The following NPNT variants were observed in gnomAD, a reference collection of about 807,000 sequenced individuals.
NPNT encodes the protein nephronectin, also known as preosteoblast EGF-like repeat protein with MAM domain.
A neutral mutation model predicts 68.6 loss-of-function variants in NPNT; 45 were observed. The observed-to-expected ratio is 0.66, with a 90% CI of 0.52 to 0.84. The LOEUF (loss-of-function observed/expected upper bound fraction) is 0.84, where lower values mean the gene tolerates loss of function less well. Ranked by LOEUF, NPNT falls within the 40% of genes least tolerant of loss-of-function variation. The pLI, the probability that NPNT is intolerant of heterozygous loss-of-function variation, is 0.00. For missense variants in NPNT, 672 were observed against 714.8 expected (o/e 0.94, Z 0.68); for synonymous variants, 233 against 253.3 (o/e 0.92, Z 0.76).
chr4:105,908,280 A>G (rs1057472649), intron 2 of NPNT, among the ~76,000 whole-genome samples: 1 of 151,912 alleles, frequency 6.6e-6, no homozygotes, highest in African/African-American at 2.4e-5. Flanking sequence ...GAGAGTCAAG[A>G]TTTAACTAAA....
chr4:105,938,171 A>G (rs1341112762), intron 4 of NPNT, 130 bp from the exon 5 acceptor site: 7 of 699,254 alleles, frequency 1.0e-5, no homozygotes, highest in African/African-American at 1.8e-5. Flanking sequence ...TAGATGTTTG[A>G]TAGTTAAGGC....
At position 105,897,482 on chromosome 4, in the gene NPNT, C is replaced by T. The variant is rs1380970774; in HGVS notation, c.72-419C>T. ...ATTTTTTCTGCTTTGACATGTCTTA[C>T]TTAATACTTTTCAGTTTATGGTGAA... is the stretch of plus-strand genomic sequence containing the variant. On this transcript the variant is annotated intron_variant, in intron 1 of 11. Coordinates refer to ENST00000379987, the MANE Select transcript of NPNT (RefSeq NM_001033047.3). Among the ~76,000 whole-genome samples, 8 of 152,248 alleles carry T rather than the reference C, an allele frequency of 5.3e-5. No homozygotes were observed. In the South Asian group the frequency reaches 1.2e-3, roughly 24 times the overall value.
rs1416369174 is a variant in NPNT, at chr4:105,959,089, C to A, written c.1308C>A (p.Asp436Glu). The A allele has an allele frequency of 1.2e-6, 2 of 1,613,478 alleles. No individual in the cohort carries two copies. The highest frequency in any genetic ancestry group is 1.7e-6 in the Non-Finnish European group (2 of 1,179,452). ...TTTGTGGATGGATCAGGGAGAAAGA[C>A]AATGACTTGCACTGGGAACCAATCA... is the stretch of plus-strand genomic sequence containing the variant. ...HGLCGWIREK[D>E]NDLHWEPIRD... is the part of the protein sequence containing the mutation. The change falls in exon 10 of 12, where the codon GAC becomes GAA. Residue 436 changes from aspartate to glutamate, a missense_variant. By Grantham distance (45) the Asp-to-Glu change is conservative. Coordinates refer to ENST00000379987, the MANE Select transcript of NPNT (RefSeq NM_001033047.3).
At chr4:105,895,790 A>G (rs1198025330) in intron 1 of NPNT, 67 bp downstream of exon 1, 2 of 1,365,928 alleles carry the variant, frequency 1.5e-6, no homozygotes, top group East Asian at 5.1e-5. Context: ...GTCTTGGGTC[A>G]CTTTTCCCCG....
chr4:105,916,083 G>A (rs904788125), intron 2 of NPNT, among the ~76,000 whole-genome samples: 1 of 152,116 alleles, frequency 6.6e-6, no homozygotes, highest in African/African-American at 2.4e-5. Flanking sequence ...ATCAAGGGCT[G>A]AAAAAAAGTC....
At chr4:105,947,607 G>A (rs756313338) in intron 8 of NPNT, among the ~76,000 whole-genome samples, 2 of 152,096 alleles carry the variant, frequency 1.3e-5, no homozygotes, top group East Asian at 3.9e-4. Flanking sequence ...GGACACAGTT[G>A]TTCATTGTCT....
chr4:105,914,480 T>TAGAGAG (rs1560897092), intron 2 of NPNT, among the ~76,000 whole-genome samples: 3 of 137,300 alleles, frequency 2.2e-5, no homozygotes, highest in African/African-American at 8.2e-5. Context: ...ATTATATATA[T>TAGAGAG]AGAGAGAGAG....
chr4:105,902,143 A>C lies in NPNT; in HGVS notation c.172+4142A>C, dbSNP rs144478253. Among the ~76,000 whole-genome samples the C allele has an allele frequency of 2.6e-4, 40 of 152,300 alleles. No individual in the cohort carries two copies. In the East Asian group the frequency reaches 7.7e-3, roughly 29 times the overall value. On this transcript the variant is annotated intron_variant, in intron 2 of 11. Transcript: ENST00000379987. Reference sequence around the variant, plus strand: ...ATTAACTTCCTGTCCATAATCACAAAACTATATAGATTATATATTTCTTTG... The same window carrying C: ...ATTAACTTCCTGTCCATAATCACAACACTATATAGATTATATATTTCTTTG...
intron 8 of NPNT, among the ~76,000 whole-genome samples, chr4:105,949,149 T>G (rs1211437500): frequency 6.6e-6 from 1 of 152,220 alleles, no homozygotes; most frequent in Non-Finnish European, 1.5e-5. Flanking sequence ...GTCAAATACA[T>G]TTAAGAACTC....
rs35132891 is a variant in NPNT at position 105,938,392 on chromosome 4, G to C, written c.477G>C (p.Gln159His). The stretch of plus-strand genomic sequence containing the variant: ...GCCAGTGCCCATCCCCTGGCCTGCA[G>C]CTGGCTCCTGATGGGAGGACCTGTG... Reference protein sequence around the residue: ...IRCQCPSPGLQLAPDGRTCVD... With the variant: ...IRCQCPSPGLHLAPDGRTCVD... Residue 159 changes from glutamine (Q) to histidine (H), a missense_variant, in exon 5 of 12, where the codon CAG (glutamine) becomes CAC (histidine). Gln to His is a conservative substitution (Grantham distance 24). Transcript: ENST00000379987. The C allele has an allele frequency of 0.32, 516,008 of 1,612,206 alleles. 84,426 individuals are homozygous for C. Among genetic ancestry groups the C allele is most frequent in the African/African-American group, 0.42 (31,079 of 74,850 alleles).
At chr4:105,912,428 A>G in intron 2 of NPNT, 1 of 483,154 alleles carries the variant, frequency 2.1e-6, no homozygotes, top group Non-Finnish European at 3.5e-6. Context: ...TTTTAATTCC[A>G]TTATTACATT....
rs1725736513 is a variant in NPNT at position 105,895,484 on chromosome 4, G to T, written c.-169G>T. On this transcript the variant is annotated 5_prime_UTR_variant, in exon 1 of 12. Coordinates refer to ENST00000379987, the MANE Select transcript of NPNT (RefSeq NM_001033047.3). ...GCTCCGGGCGCCGCGCAGCAGACCTGCTCCGGCCGCGCGCCTCGCCGCTGT... is the reference window on the plus strand; with the variant it reads ...GCTCCGGGCGCCGCGCAGCAGACCTTCTCCGGCCGCGCGCCTCGCCGCTGT... 6 of 592,980 alleles carry T rather than the reference G, an allele frequency of 1.0e-5. No homozygotes were observed. The highest frequency in any genetic ancestry group is 3.2e-5 in the Admixed American group (1 of 31,314). 36.7% of individuals were successfully genotyped at this position (592,980 alleles called of 1,614,324 possible).
At chr4:105,948,340 C>G (rs1033978743) in intron 8 of NPNT, among the ~76,000 whole-genome samples, 5 of 152,182 alleles carry the variant, frequency 3.3e-5, no homozygotes, top group African/African-American at 1.2e-4. Flanking sequence ...ATTTCTACCT[C>G]TATTTATGAG....
chr4:105,940,365 T>C, intron 6 of NPNT, 149 bp from the exon 7 acceptor site: 1 of 1,016,164 alleles, frequency 9.8e-7, no homozygotes, highest in Non-Finnish European at 1.5e-6. Context: ...GTTCTCAGTC[T>C]ACATGTAGTT....
intron 8 of NPNT, among the ~76,000 whole-genome samples, chr4:105,949,123 G>A (rs532231176): frequency 1.3e-5 from 2 of 152,124 alleles, no homozygotes; most frequent in Non-Finnish European, 2.9e-5. Context: ...AGTTGTATGT[G>A]TTAAAAAGTT....
At position 105,958,497 on chromosome 4, in the gene NPNT, T is replaced by C. The variant is rs1179536623; in HGVS notation, c.1186T>C (p.Phe396Leu). The change falls in exon 9 of 12, where the codon TTT becomes CTT. Residue 396 changes from phenylalanine (F) to leucine (L), a missense_variant. Phe to Leu is a conservative substitution (Grantham distance 22, BLOSUM62 0). Transcript: ENST00000379987. ...TCCACGGCAACCTTCAAATGACTTG[T>C]TTGAAATATTTGAAATAGAAAGAGG... The part of the protein sequence containing the change: ...FIPRQPSNDL[F>L]EIFEIERGVS... The C allele has an allele frequency of 6.2e-7, 1 of 1,611,778 alleles. No homozygotes were observed. Among genetic ancestry groups the C allele is most frequent in the East Asian group, 2.2e-5 (1 of 44,746 alleles).
intron 1 of NPNT, chr4:105,895,960 A>C: frequency 1.8e-6 from 1 of 540,788 alleles, no homozygotes; most frequent in Non-Finnish European, 3.3e-6. Context: ...CCCGAGGGCG[A>C]CTCGCCCCGG....
At chr4:105,946,588 G>A (rs143019985) in intron 8 of NPNT, among the ~76,000 whole-genome samples, 111 of 152,250 alleles carry the variant, frequency 7.3e-4, no homozygotes, top group Non-Finnish European at 8.7e-4. Flanking sequence ...CAGTAGGACC[G>A]TGATGCCTAC....
rs760697260 is a variant in NPNT, at chr4:105,905,735, A to G, written c.172+7734A>G. On this transcript the variant is annotated intron_variant, in intron 2 of 11. Coordinates refer to ENST00000379987, the MANE Select transcript of NPNT (RefSeq NM_001033047.3). Reference sequence around the variant, plus strand: ...GCTGCAATCAATATTTGCATATATCATCATCACTGTTGTATACCTTTAGAT... The same window carrying G: ...GCTGCAATCAATATTTGCATATATCGTCATCACTGTTGTATACCTTTAGAT... Among the ~76,000 whole-genome samples the G allele has an allele frequency of 7.9e-5, 12 of 152,294 alleles. No homozygotes were observed. The South Asian group carries it at 2.5e-3, about 32-fold the overall frequency.
Sources: gnomAD v4.1 joint callset for allele counts (sites outside exome capture counted in the v4.1 genomes callset) on GRCh38, gnomAD v4.1.1 for gene constraint, MANE v1.5 for transcripts, NCBI Gene and HGNC (gene_info 2026-07-23, HGNC 2026-07-21) for gene names.